The following UBXN2B variants were observed in gnomAD, a reference collection of about 807,000 sequenced individuals.
UBXN2B encodes the protein UBX domain-containing protein 2B.
Under a neutral mutation model 37.5 loss-of-function variants are expected in UBXN2B, and 19 were observed. The ratio of observed to expected loss-of-function variants is 0.51; its 90% CI spans 0.35 to 0.74. UBXN2B has a LOEUF of 0.74. Among genes scored for constraint, UBXN2B ranks in the 30% least tolerant of loss-of-function variants. The pLI, the probability that UBXN2B is intolerant of heterozygous loss-of-function variation, is 0.01. For synonymous variants in UBXN2B, 145 were observed against 143.8 expected (o/e 1.01, Z -0.06); for missense variants, 370 against 393.2 (o/e 0.94, Z 0.50).
At chr8:58,423,077 G>A (rs935340381) in intron 2 of UBXN2B, among the ~76,000 whole-genome samples, 12 of 121,650 alleles carry the variant, frequency 9.9e-5, no homozygotes, top group Non-Finnish European at 1.5e-4. Flanking sequence ...CTGGTGAGAC[G>A]AAATCATCAT....
At chr8:58,425,269 A>C (rs1407969256) in intron 2 of UBXN2B, 10 of 1,147,346 alleles carry the variant, frequency 8.7e-6, no homozygotes, top group African/African-American at 3.0e-5. Context: ...CCAGTATTTG[A>C]CACATTTACT....
chr8:58,426,191 G>A, intron 2 of UBXN2B: 1 of 618,830 alleles, frequency 1.6e-6, no homozygotes, highest in Non-Finnish European at 3.0e-6. Flanking sequence ...GTAATCACCA[G>A]TGTTCTGAAT....
At position 58,447,756 on chromosome 8, in the gene UBXN2B, G is replaced by A. The variant is rs1391517117; in HGVS notation, c.*205G>A. 2 of 419,316 alleles carry A rather than the reference G, an allele frequency of 4.8e-6. No homozygotes were observed. Among genetic ancestry groups the A allele is most frequent in the Non-Finnish European group, 8.1e-6 (2 of 246,018 alleles). 26.0% of individuals were successfully genotyped at this position (419,316 alleles called of 1,614,324 possible). A position where few individuals can be genotyped will look rare whatever the true frequency, so the allele number is the denominator to read the frequency against. ...TGAGATAAGTATGTTTGAGTTTTTAGTTGAAGGACTGGCTTATGTTGATAG... is the reference window on the plus strand; with the variant it reads ...TGAGATAAGTATGTTTGAGTTTTTAATTGAAGGACTGGCTTATGTTGATAG... On this transcript the variant is annotated 3_prime_UTR_variant, in exon 8 of 8. Coordinates refer to ENST00000399598, the MANE Select transcript of UBXN2B (RefSeq NM_001077619.2).
chr8:58,435,293 T>G (rs886707407), intron 5 of UBXN2B, among the ~76,000 whole-genome samples: 1 of 152,168 alleles, frequency 6.6e-6, no homozygotes, highest in African/African-American at 2.4e-5. Context: ...ATGTCCAGGA[T>G]GAGTGGCTGA....
intron 2 of UBXN2B, chr8:58,425,960 A>G: frequency 1.4e-6 from 2 of 1,436,170 alleles, no homozygotes; most frequent in South Asian, 1.1e-5. Context: ...CTCTCATACA[A>G]GAAAACTACC....
chr8:58,431,806 A>G (rs576752054), intron 3 of UBXN2B, among the ~76,000 whole-genome samples: 7 of 152,338 alleles, frequency 4.6e-5, no homozygotes, highest in Admixed American at 3.9e-4. Context: ...TTGTCTAATA[A>G]CTAATGATGT....
In UBXN2B at chr8:58,445,907, C is replaced by A; in HGVS notation, c.672C>A (p.Ser224Arg). 1 of 1,583,560 alleles carries A rather than the reference C, an allele frequency of 6.3e-7. No individual in the cohort carries two copies. Among genetic ancestry groups the A allele is most frequent in the African/African-American group, 1.4e-5 (1 of 73,442 alleles). ...TTTGTGTTTAATTCCTCTTTTTTAG[C>A]CTTACACCTGAAATAGTCAGTACAC... ...AFSGEGQKLG[S>R]LTPEIVSTPS... The change falls in exon 7 of 8, where the codon AGC (serine) becomes AGA (arginine). Residue 224 changes from serine to arginine, a missense_variant and splice_region_variant. Coordinates refer to ENST00000399598, the MANE Select transcript of UBXN2B (RefSeq NM_001077619.2).
Position 58,450,365 on chromosome 8 carries a change from T to G in UBXN2B, c.*2814T>G, listed in dbSNP as rs537318640. On this transcript the variant is annotated 3_prime_UTR_variant, in exon 8 of 8. Coordinates refer to ENST00000399598, the MANE Select transcript of UBXN2B (RefSeq NM_001077619.2). Reference sequence around the variant, plus strand: ...TATTGAAGTCATCACTTAAAAGTTCTGCTTTACACATAACGGCAGGACACA... The same window carrying G: ...TATTGAAGTCATCACTTAAAAGTTCGGCTTTACACATAACGGCAGGACACA... 1.3e-5 allele frequency: 2 copies of G among 152,360 alleles called. No homozygotes were observed. Among genetic ancestry groups the G allele is most frequent in the African/African-American group, 4.8e-5 (2 of 41,574 alleles). 9.4% of individuals were successfully genotyped at this position (152,360 alleles called of 1,614,324 possible).
At chr8:58,413,817 A>T (rs1807704035) in intron 1 of UBXN2B, among the ~76,000 whole-genome samples, 1 of 152,088 alleles carries the variant, frequency 6.6e-6, no homozygotes, top group African/African-American at 2.4e-5. Context: ...ATCCCCCTCA[A>T]ATAAGGAGAT....
intron 5 of UBXN2B, among the ~76,000 whole-genome samples, chr8:58,437,120 G>A (rs1309242939): frequency 6.6e-6 from 1 of 152,126 alleles, no homozygotes; most frequent in East Asian, 1.9e-4. Flanking sequence ...TGTGACCAAA[G>A]TATTGATAGA....
chr8:58,424,905 G>A (rs1470495915), intron 2 of UBXN2B: 11 of 943,930 alleles, frequency 1.2e-5, no homozygotes, highest in South Asian at 7.7e-5. Context: ...TTTTGAGAAC[G>A]TCAATGTTGC....
chr8:58,426,443 T>C (rs1808092714), intron 2 of UBXN2B: 2 of 635,010 alleles, frequency 3.1e-6, no homozygotes, highest in South Asian at 1.5e-5. Flanking sequence ...CTCCTGACTT[T>C]GTGATCCGCC....
Position 58,434,367 on chromosome 8 carries a change from A to AT in UBXN2B, c.424-27dup, listed in dbSNP as rs781776995. On this transcript the variant is annotated intron_variant, in intron 4 of 7. Coordinates refer to ENST00000399598, the MANE Select transcript of UBXN2B (RefSeq NM_001077619.2). ...TATGTGAATATATATATATATATAT[A>AT]TATTTTTTTTTTTTCTATACCCAAA... is the stretch of plus-strand genomic sequence containing the variant. 2,018 of 443,426 alleles carry AT rather than the reference A, an allele frequency of 4.6e-3. 26 individuals carry two copies. The highest frequency in any genetic ancestry group is 0.043 in the African/African-American group (1,675 of 38,972). 27.5% of individuals were successfully genotyped at this position (443,426 alleles called of 1,614,324 possible).
rs1448943056 is a variant in UBXN2B, at chr8:58,434,343, ATG to A, written c.424-49_424-48del. ...TTGGGGGAGATATATTCTTATGTAT[ATG>A]TGAATATATATATATATATATATAT... On this transcript the variant is annotated intron_variant, in intron 4 of 7. Transcript: ENST00000399598. 5.6e-6 allele frequency: 3 copies of A among 536,488 alleles called. No homozygotes were observed. In the African/African-American group the frequency reaches 6.7e-5, roughly 12 times the overall value. The allele number at this position is 536,488 out of a possible 1,614,324, so 33.2% of individuals were successfully genotyped here.
chr8:58,444,831 AAGAG>A (rs1808633376), intron 6 of UBXN2B, among the ~76,000 whole-genome samples: 1 of 152,222 alleles, frequency 6.6e-6, no homozygotes, highest in South Asian at 2.1e-4. Context: ...TAGCTAAAGA[AAGAG>A]AAAGTGTCAG....
intron 5 of UBXN2B, among the ~76,000 whole-genome samples, chr8:58,435,361 T>C (rs551894099): frequency 1.3e-5 from 2 of 152,288 alleles, no homozygotes; most frequent in Non-Finnish European, 2.9e-5. Flanking sequence ...ATTTTGAATT[T>C]AAATTATATA....
intron 2 of UBXN2B, chr8:58,425,920 G>A (rs558007932): frequency 1.1e-5 from 14 of 1,282,268 alleles, no homozygotes; most frequent in Non-Finnish European, 1.5e-5. Context: ...TGCGCACAGA[G>A]AGAACAAAAT....
chr8:58,426,909 C>T (rs749233058), intron 2 of UBXN2B, among the ~76,000 whole-genome samples: 79 of 152,178 alleles, frequency 5.2e-4, no homozygotes, highest in Non-Finnish European at 4.7e-4. Flanking sequence ...TTTTCTCTGT[C>T]TTCTAATAAG....
At chr8:58,428,431 A>G (rs145833181) in intron 2 of UBXN2B, among the ~76,000 whole-genome samples, 433 of 152,350 alleles carry the variant, frequency 2.8e-3, no homozygotes, top group African/African-American at 9.5e-3. Context: ...ATAATTGCAT[A>G]CAAAGAAAAC....
Sources: allele counts gnomAD v4.1 joint callset (sites outside exome capture counted in the v4.1 genomes callset), GRCh38; gene constraint gnomAD v4.1.1; transcripts MANE v1.5; gene names NCBI Gene and HGNC (gene_info 2026-07-23, HGNC 2026-07-21).